NRG3: variants seen among roughly 807,000 people sequenced by gnomAD.
NRG3 encodes neuregulin 3, also known as pro-neuregulin-3, membrane-bound isoform.
In NRG3, 31 loss-of-function variants were observed where a neutral mutation model predicts 66.9. The ratio of observed to expected loss-of-function variants is 0.46; its 90% confidence interval spans 0.35 to 0.63. NRG3 has a LOEUF of 0.63. NRG3 is among the 20% of genes least tolerant of loss of function. NRG3 has a pLI of 0.00. For synonymous variants in NRG3, 393 were observed against 359.4 expected (o/e 1.09, Z -1.06); for missense variants, 910 against 878.9 (o/e 1.04, Z -0.45).
chr10:82,981,693 G>A (rs992376789), intron 8 of NRG3, among the ~76,000 whole-genome samples: 2 of 152,122 alleles, frequency 1.3e-5, no homozygotes, highest in Non-Finnish European at 2.9e-5. Context: ...TTGTAGCCTG[G>A]GGAAGGAGTG....
intron 1 of NRG3, among the ~76,000 whole-genome samples, chr10:82,158,626 G>A (rs1177916641): frequency 6.6e-6 from 1 of 151,856 alleles, no homozygotes; most frequent in African/African-American, 2.4e-5. Context: ...TGCCAGTTGT[G>A]TTGAGGAGTT....
intron 1 of NRG3, among the ~76,000 whole-genome samples, chr10:82,120,430 AAAG>A (rs1283661739): frequency 9.2e-5 from 14 of 152,174 alleles, no homozygotes; most frequent in African/African-American, 3.1e-4. Context: ...TTGTTTCTTT[AAAG>A]AAGTTCAGAG....
chr10:82,193,456 T>C (rs928019322), intron 1 of NRG3, among the ~76,000 whole-genome samples: 6 of 152,086 alleles, frequency 3.9e-5, no homozygotes, highest in Admixed American at 6.5e-5. Context: ...ATTTCCATTT[T>C]ATAAAAAGTC....
At chr10:82,627,344 G>A (rs2049502245) in intron 2 of NRG3, among the ~76,000 whole-genome samples, 1 of 151,970 alleles carries the variant, frequency 6.6e-6, no homozygotes, top group Non-Finnish European at 1.5e-5. Context: ...AAATTACTGG[G>A]AATCTATTTC....
At chr10:82,857,942 A>G (rs2063900335) in intron 3 of NRG3, among the ~76,000 whole-genome samples, 1 of 152,172 alleles carries the variant, frequency 6.6e-6, no homozygotes, top group Non-Finnish European at 1.5e-5. Context: ...TAGGACAGAC[A>G]TTCTAGGATT....
intron 1 of NRG3, among the ~76,000 whole-genome samples, chr10:82,064,364 A>C (rs945985293): frequency 1.3e-5 from 2 of 151,580 alleles, no homozygotes; most frequent in African/African-American, 4.8e-5. Flanking sequence ...GAAATATCAA[A>C]TATATATAAA....
intron 2 of NRG3, among the ~76,000 whole-genome samples, chr10:82,550,427 T>C (rs1385672160): frequency 2.6e-5 from 4 of 152,112 alleles, no homozygotes; most frequent in Non-Finnish European, 5.9e-5. Context: ...GCCATTTCAC[T>C]CCACTGACTG....
At chr10:82,013,755 A>G (rs1351831011) in intron 1 of NRG3, among the ~76,000 whole-genome samples, 3 of 152,152 alleles carry the variant, frequency 2.0e-5, no homozygotes, top group Non-Finnish European at 2.9e-5. Context: ...GCTATACTAC[A>G]TGCAATTATA....
chr10:82,489,011 A>G (rs1181357534), intron 2 of NRG3, among the ~76,000 whole-genome samples: 1 of 152,178 alleles, frequency 6.6e-6, no homozygotes, highest in African/African-American at 2.4e-5. Flanking sequence ...ACTACTATTT[A>G]TGCATACCAG....
At chr10:82,716,962 CTATT>C (rs2057008268) in intron 2 of NRG3, among the ~76,000 whole-genome samples, 1 of 152,076 alleles carries the variant, frequency 6.6e-6, no homozygotes, top group South Asian at 2.1e-4. Flanking sequence ...AAAGTGGTTT[CTATT>C]TAATCAGTGA....
intron 1 of NRG3, among the ~76,000 whole-genome samples, chr10:82,225,924 A>G (rs1456105620): frequency 1.3e-5 from 2 of 152,136 alleles, no homozygotes; most frequent in African/African-American, 4.8e-5. Context: ...GTCATTTAGT[A>G]AGCTCTCTCC....
At chr10:82,772,772 C>T (rs150398761) in intron 3 of NRG3, among the ~76,000 whole-genome samples, 1,741 of 132,030 alleles carry the variant, frequency 0.013, 33 homozygotes, top group African/African-American at 0.048. Context: ...CTGATGTGAT[C>T]ATAGTTCATT....
chr10:82,240,671 A>G (rs965766643), intron 1 of NRG3, among the ~76,000 whole-genome samples: 3 of 152,172 alleles, frequency 2.0e-5, no homozygotes, highest in Non-Finnish European at 2.9e-5. Context: ...CAGAATAAAT[A>G]GGCTATTTAC....
At chr10:82,534,996 C>T (rs933421253) in intron 2 of NRG3, among the ~76,000 whole-genome samples, 1 of 151,266 alleles carries the variant, frequency 6.6e-6, no homozygotes, top group Non-Finnish European at 1.5e-5. Flanking sequence ...AACCCTGTCA[C>T]TACTAAAAAT....
intron 2 of NRG3, among the ~76,000 whole-genome samples, chr10:82,464,899 A>C (rs1462665757): frequency 1.3e-5 from 2 of 152,222 alleles, no homozygotes; most frequent in Non-Finnish European, 2.9e-5. Flanking sequence ...AGGCAAGTGC[A>C]TGCCCTGCTT....
At chr10:82,263,959 T>G (rs2078166059) in intron 1 of NRG3, among the ~76,000 whole-genome samples, 2 of 152,222 alleles carry the variant, frequency 1.3e-5, no homozygotes, top group South Asian at 4.1e-4. Flanking sequence ...GAGTCAAAGT[T>G]AACTCAGAGG....
At chr10:82,858,460 T>G (rs2135897930) in intron 3 of NRG3, among the ~76,000 whole-genome samples, 1 of 152,294 alleles carries the variant, frequency 6.6e-6, no homozygotes, top group South Asian at 2.1e-4. Context: ...TGTTGATACC[T>G]GAGACAATTA....
intron 2 of NRG3, among the ~76,000 whole-genome samples, chr10:82,496,961 T>C (rs1331374727): frequency 6.6e-6 from 1 of 152,200 alleles, no homozygotes; most frequent in East Asian, 1.9e-4. Flanking sequence ...AATATTCTGC[T>C]GAATTAACTT....
At chr10:82,102,076 A>G in intron 1 of NRG3, among the ~76,000 whole-genome samples, 1 of 117,986 alleles carries the variant, frequency 8.5e-6, no homozygotes, top group Non-Finnish European at 1.8e-5. Context: ...GTGTGTATAC[A>G]TATATATATG....
Sources: allele counts gnomAD v4.1 joint callset (sites outside exome capture counted in the v4.1 genomes callset), GRCh38; gene constraint gnomAD v4.1.1; transcripts MANE v1.5; gene names NCBI Gene and HGNC (gene_info 2026-07-23, HGNC 2026-07-21).